ASTN1: variants seen among roughly 807,000 people sequenced by gnomAD.
ASTN1 encodes the protein astrotactin 1.
A neutral mutation model predicts 140.7 loss-of-function variants in ASTN1; 41 were observed. That is an observed-to-expected ratio of 0.29 (90% CI 0.23 to 0.38). The LOEUF is 0.38. Among genes scored for constraint, ASTN1 ranks in the 10% least tolerant of loss-of-function variants. The probability of loss-of-function intolerance (pLI) is 1.00; values close to 1 mark genes in which losing one functional copy is unlikely to be tolerated. For missense variants in ASTN1, 1,479 were observed against 1,678.8 expected, an observed-to-expected ratio of 0.88 and a Z score of 2.08; for synonymous variants, 640 against 652.2, an observed-to-expected ratio of 0.98 and a Z score of 0.29.
intron 16 of ASTN1, 49 bp downstream of exon 16, chr1:176,934,103 G>A: frequency 6.5e-7 from 1 of 1,530,426 alleles, no homozygotes; most frequent in South Asian, 1.2e-5. Flanking sequence ...TATGCAGGTA[G>A]CCAGTACTGG....
chr1:177,046,555 G>A lies in ASTN1; in HGVS notation c.472-13706C>T, dbSNP rs1434478441. On this transcript the variant is annotated intron_variant, in intron 2 of 22. Coordinates refer to ENST00000361833, the MANE Select transcript of ASTN1 (RefSeq NM_004319.3). ...GGCCCTCTTCATTACAGAACACCAT[G>A]TGGTCCCATCCCACCCTTTATACCA... Among the ~76,000 whole-genome samples, 3 of 152,178 alleles carry A rather than the reference G, an allele frequency of 2.0e-5. No homozygotes were observed. The East Asian group carries it at 5.8e-4, about 29-fold the overall frequency.
At chr1:176,900,767 C>A (rs1669732313) in intron 16 of ASTN1, among the ~76,000 whole-genome samples, 1 of 152,158 alleles carries the variant, frequency 6.6e-6, no homozygotes, top group Admixed American at 6.5e-5. Flanking sequence ...CAGTTTAGAA[C>A]CGAGCCTGGG....
intron 1 of ASTN1, among the ~76,000 whole-genome samples, chr1:177,098,643 G>A (rs1371636754): frequency 1.3e-5 from 2 of 151,974 alleles, no homozygotes; most frequent in Non-Finnish European, 2.9e-5. Flanking sequence ...AAAAACGAAG[G>A]GGAAACAGAA....
chr1:176,930,560 AATCTGGACAGAATTAC>A (rs2103086399), intron 16 of ASTN1, among the ~76,000 whole-genome samples: 1 of 152,278 alleles, frequency 6.6e-6, no homozygotes, highest in South Asian at 2.1e-4. Flanking sequence ...TTATGAAAAG[AATCTGGACAGAATTAC>A]ATCTGGGGCA....
intron 1 of ASTN1, among the ~76,000 whole-genome samples, chr1:177,113,755 A>G (rs2102161375): frequency 6.6e-6 from 1 of 152,280 alleles, no homozygotes; most frequent in East Asian, 1.9e-4. Context: ...ATCAATAGTC[A>G]GTTACATGCC....
intron 14 of ASTN1, among the ~76,000 whole-genome samples, chr1:176,941,289 C>T (rs1298646170): frequency 1.3e-5 from 2 of 152,156 alleles, no homozygotes; most frequent in Non-Finnish European, 2.9e-5. Flanking sequence ...CCAATCCCTG[C>T]TTACATCAAA....
At chr1:176,955,598 T>G (rs569423942) in intron 11 of ASTN1, among the ~76,000 whole-genome samples, 1 of 152,362 alleles carries the variant, frequency 6.6e-6, no homozygotes, top group South Asian at 2.1e-4. Flanking sequence ...AATTCTAAAA[T>G]GCAGCAGCCT....
chr1:177,026,160 A>G (rs2101962887), intron 5 of ASTN1, among the ~76,000 whole-genome samples: 1 of 152,306 alleles, frequency 6.6e-6, no homozygotes, highest in Admixed American at 6.5e-5. Flanking sequence ...GTAGCTGGAA[A>G]GGAGAGACTT....
chr1:177,051,366 T>A (rs1677534085), intron 2 of ASTN1, among the ~76,000 whole-genome samples: 1 of 152,244 alleles, frequency 6.6e-6, no homozygotes, highest in Non-Finnish European at 1.5e-5. Context: ...ACTGCCTGTT[T>A]TTGTAAATAA....
intron 7 of ASTN1, among the ~76,000 whole-genome samples, chr1:177,020,406 G>A (rs1459684416): frequency 6.6e-6 from 1 of 152,130 alleles, no homozygotes; most frequent in African/African-American, 2.4e-5. Context: ...AGCTTCTAGA[G>A]GCTGCTGACA....
intron 1 of ASTN1, among the ~76,000 whole-genome samples, chr1:177,081,457 G>T (rs182443323): frequency 1.8e-3 from 272 of 152,210 alleles, no homozygotes; most frequent in African/African-American, 6.1e-3. Context: ...TAAAACAAGA[G>T]GGTGTAAAAC....
chr1:177,032,578 T>G lies in ASTN1; in HGVS notation c.743A>C (p.Asp248Ala), dbSNP rs752707913. The G allele has an allele frequency of 2.5e-6, 4 of 1,614,176 alleles. No individual in the cohort carries two copies. The highest frequency in any genetic ancestry group is 8.5e-7 in the Non-Finnish European group (1 of 1,180,038). Residue 248 changes from aspartate to alanine, a missense_variant, in exon 3 of 23, where the codon GAT becomes GCT. Asp to Ala is a moderately radical substitution (Grantham distance 126). Transcript: ENST00000361833. Reference protein sequence around the residue: ...ILDGYEYDITDLRHHLQRECM... With the variant: ...ILDGYEYDITALRHHLQRECM... ...CTCCCTCTGCAGATGGTGGCGCAGA[T>G]CAGTGATGTCATACTCATAGCCGTC... is the stretch of plus-strand genomic sequence containing the variant.
At chr1:176,982,762 T>C (rs1285860894) in intron 8 of ASTN1, among the ~76,000 whole-genome samples, 2 of 152,158 alleles carry the variant, frequency 1.3e-5, no homozygotes, top group African/African-American at 2.4e-5. Flanking sequence ...ATGTGCAGCA[T>C]AGAGAGAGAA....
chr1:177,042,177 G>A (rs142682772), intron 2 of ASTN1, among the ~76,000 whole-genome samples: 166 of 152,288 alleles, frequency 1.1e-3, no homozygotes, highest in African/African-American at 3.7e-3. Context: ...CCTGAGAGTC[G>A]GGGTGGAGGT....
At chr1:177,116,142 C>G (rs1356441450) in intron 1 of ASTN1, among the ~76,000 whole-genome samples, 1 of 152,070 alleles carries the variant, frequency 6.6e-6, no homozygotes, top group Non-Finnish European at 1.5e-5. Context: ...CTTGGGACTC[C>G]ATAGCCAACA....
chr1:176,970,791 G>T (rs1034708943), intron 8 of ASTN1, among the ~76,000 whole-genome samples: 1 of 151,236 alleles, frequency 6.6e-6, no homozygotes, highest in Non-Finnish European at 1.5e-5. Flanking sequence ...AGCATAGATG[G>T]GATATTTCAT....
chr1:177,030,466 G>A (rs1285293352), intron 4 of ASTN1, among the ~76,000 whole-genome samples: 1 of 152,230 alleles, frequency 6.6e-6, no homozygotes, highest in Non-Finnish European at 1.5e-5. Context: ...GCAGACAGAT[G>A]TGCTAGGTAG....
At chr1:177,118,226 G>GATA (rs142922207) in intron 1 of ASTN1, among the ~76,000 whole-genome samples, 8,145 of 152,262 alleles carry the variant, frequency 0.053, 253 homozygotes, top group Admixed American at 0.065. Flanking sequence ...TATTGGTTGT[G>GATA]ATGACAATCT....
At chr1:177,106,389 A>C (rs1680545050) in intron 1 of ASTN1, among the ~76,000 whole-genome samples, 1 of 152,144 alleles carries the variant, frequency 6.6e-6, no homozygotes, top group Non-Finnish European at 1.5e-5. Context: ...GGGCATCCAT[A>C]ATCATCCCAG....
Sources: allele counts gnomAD v4.1 joint callset (sites outside exome capture counted in the v4.1 genomes callset), GRCh38; gene constraint gnomAD v4.1.1; transcripts MANE v1.5; gene names NCBI Gene and HGNC (gene_info 2026-07-23, HGNC 2026-07-21).